FOXP1: variants seen among roughly 807,000 people sequenced by gnomAD.
FOXP1 encodes forkhead box P1, also known as forkhead box protein P1.
A neutral mutation model predicts 98.2 loss-of-function variants in FOXP1; 15 were observed. The ratio of observed to expected loss-of-function variants is 0.15; its 90% CI spans 0.10 to 0.24. The LOEUF (loss-of-function observed/expected upper bound fraction) is 0.24. Ranked by LOEUF, FOXP1 falls within the 10% of genes least tolerant of loss-of-function variation. The probability of loss-of-function intolerance (pLI) is 1.00; values close to 1 mark genes in which losing one functional copy is unlikely to be tolerated. For synonymous variants in FOXP1, 371 were observed against 314.5 expected (o/e 1.18, Z -1.90); for missense variants, 633 against 848.5 (o/e 0.75, Z 3.15).
At chr3:71,239,905 G>A (rs2067106112) in intron 5 of FOXP1, among the ~76,000 whole-genome samples, 2 of 152,124 alleles carry the variant, frequency 1.3e-5, no homozygotes, top group Non-Finnish European at 2.9e-5. Context: ...ATTTGCCATG[G>A]CAATACCAGG....
At chr3:71,229,142 G>A (rs72953352) in intron 5 of FOXP1, among the ~76,000 whole-genome samples, 16,789 of 151,888 alleles carry the variant, frequency 0.11, 1,110 homozygotes, top group South Asian at 0.23. Context: ...AAGCAAAGAC[G>A]ACACCAGTTT....
intron 5 of FOXP1, among the ~76,000 whole-genome samples, chr3:71,294,688 C>G (rs897720074): frequency 2.0e-5 from 3 of 152,176 alleles, no homozygotes; most frequent in African/African-American, 7.2e-5. Flanking sequence ...TTGTATTCTA[C>G]TTGTCCCCTT....
chr3:71,282,526 T>C (rs1470916879), intron 5 of FOXP1, among the ~76,000 whole-genome samples: 2 of 152,142 alleles, frequency 1.3e-5, no homozygotes, highest in Non-Finnish European at 2.9e-5. Context: ...GTATAAAACA[T>C]TGCTCTAAGC....
At chr3:71,303,029 T>C (rs1423856488) in intron 4 of FOXP1, among the ~76,000 whole-genome samples, 1 of 152,188 alleles carries the variant, frequency 6.6e-6, no homozygotes, top group Non-Finnish European at 1.5e-5. Flanking sequence ...TAATACACGG[T>C]GTCCACTAGT....
At chr3:71,134,454 G>A (rs1435741338) in intron 6 of FOXP1, among the ~76,000 whole-genome samples, 2 of 152,164 alleles carry the variant, frequency 1.3e-5, no homozygotes, top group African/African-American at 4.8e-5. Flanking sequence ...GATAGGTATT[G>A]AGATAGGTAG....
chr3:71,262,264 CAAAAAAAAAAAAAAAAAAAAAAA>C (rs71104433), intron 5 of FOXP1, among the ~76,000 whole-genome samples: 2 of 25,714 alleles, frequency 7.8e-5, no homozygotes, highest in African/African-American at 2.7e-4. Context: ...GACTCTGTCA[CAAAAAAAAAAAAAAAAAAAAAAA>C]AAAAAAAAAA....
chr3:71,156,243 C>T (rs1041161496), intron 6 of FOXP1, among the ~76,000 whole-genome samples: 1 of 152,068 alleles, frequency 6.6e-6, no homozygotes, highest in Admixed American at 6.6e-5. Context: ...TGATGCATGG[C>T]TCTGGGAATG....
intron 5 of FOXP1, among the ~76,000 whole-genome samples, chr3:71,227,676 T>C (rs1302820768): frequency 2.6e-5 from 4 of 150,994 alleles, no homozygotes; most frequent in African/African-American, 4.9e-5. Context: ...CCTTATACCA[T>C]AGATTAAAGA....
chr3:71,577,641 T>C (rs1314612846), intron 2 of FOXP1, among the ~76,000 whole-genome samples: 5 of 152,056 alleles, frequency 3.3e-5, no homozygotes, highest in Admixed American at 6.6e-5. Context: ...AGCATATGTA[T>C]AGCAAAGTGG....
chr3:71,062,051 A>G (rs1163789347), intron 7 of FOXP1, among the ~76,000 whole-genome samples: 3 of 152,178 alleles, frequency 2.0e-5, no homozygotes, highest in Admixed American at 1.3e-4. Context: ...TCAGTGTCAT[A>G]AAAGAGTTTA....
At chr3:71,483,941 C>T (rs1415189128) in intron 3 of FOXP1, among the ~76,000 whole-genome samples, 1 of 151,924 alleles carries the variant, frequency 6.6e-6, no homozygotes, top group African/African-American at 2.4e-5. Context: ...TTTTTGTAAC[C>T]GGGGCAACGA....
At chr3:71,154,758 A>G (rs756166400) in intron 6 of FOXP1, among the ~76,000 whole-genome samples, 5 of 152,202 alleles carry the variant, frequency 3.3e-5, no homozygotes, top group Non-Finnish European at 5.9e-5. Flanking sequence ...AGGATAAAGT[A>G]AGACAGTTCC....
At chr3:71,064,206 C>G (rs1241247174) in intron 7 of FOXP1, among the ~76,000 whole-genome samples, 1 of 152,216 alleles carries the variant, frequency 6.6e-6, no homozygotes, top group Non-Finnish European at 1.5e-5. Context: ...TCCCCCTTTA[C>G]TGTGTGTGAA....
At chr3:71,438,515 T>C (rs1235055333) in intron 3 of FOXP1, among the ~76,000 whole-genome samples, 1 of 152,148 alleles carries the variant, frequency 6.6e-6, no homozygotes, top group African/African-American at 2.4e-5. Context: ...GGATTTAGCA[T>C]CCTAGCACAG....
At chr3:71,434,553 A>AT (rs1319085173) in intron 3 of FOXP1, among the ~76,000 whole-genome samples, 6 of 152,070 alleles carry the variant, frequency 3.9e-5, no homozygotes, top group African/African-American at 1.4e-4. Flanking sequence ...CAAAAACACT[A>AT]TATAGCCTTC....
intron 3 of FOXP1, among the ~76,000 whole-genome samples, chr3:71,452,766 G>A (rs902129498): frequency 2.0e-5 from 3 of 152,106 alleles, no homozygotes; most frequent in Non-Finnish European, 4.4e-5. Context: ...ATCAGCTGGT[G>A]TTCCCAGAAA....
intron 3 of FOXP1, among the ~76,000 whole-genome samples, chr3:71,367,529 C>T (rs1054797591): frequency 4.6e-5 from 7 of 152,032 alleles, no homozygotes; most frequent in African/African-American, 9.7e-5. Flanking sequence ...GCTGGAAGGA[C>T]GGCAGGGAGG....
rs774436805 is a variant in FOXP1 at position 71,098,153 on chromosome 3, T to C, written c.282+14383A>G. ...TCTTAGATTTCCCTGAGTGTGATAC[T>C]GTTGCAAATAATCAAGTAAACCAAT... On this transcript the variant is annotated intron_variant, in intron 7 of 20. Transcript: ENST00000649528. Among the ~76,000 whole-genome samples, 8 of 152,350 alleles carry C rather than the reference T, an allele frequency of 5.3e-5. No individual in the cohort carries two copies. In the South Asian group the frequency reaches 1.7e-3, roughly 32 times the overall value.
chr3:71,184,847 G>A (rs2062551168), intron 6 of FOXP1, among the ~76,000 whole-genome samples: 1 of 151,542 alleles, frequency 6.6e-6, no homozygotes, highest in Non-Finnish European at 1.5e-5. Flanking sequence ...AAGTTATTTG[G>A]GTTTCATCAA....
Sources: gnomAD v4.1 joint callset for allele counts (sites outside exome capture counted in the v4.1 genomes callset) on GRCh38, gnomAD v4.1.1 for gene constraint, MANE v1.5 for transcripts, NCBI Gene and HGNC (gene_info 2026-07-23, HGNC 2026-07-21) for gene names.